The following CEP95 variants were observed in gnomAD, a reference collection of about 807,000 sequenced individuals.
The protein encoded by CEP95 is centrosomal protein 95.
Under a neutral mutation model 111.2 loss-of-function variants are expected in CEP95, and 98 were observed. The observed-to-expected ratio is 0.88, with a 90% CI of 0.75 to 1.04. The LOEUF (loss-of-function observed/expected upper bound fraction) is 1.04, where lower values mean the gene tolerates loss of function less well. Ranked by LOEUF, CEP95 falls within the 50% of genes least tolerant of loss-of-function variation. The probability of loss-of-function intolerance (pLI) is 0.00; values close to 1 mark genes in which losing one functional copy is unlikely to be tolerated. For missense variants in CEP95, 1,027 were observed against 977.2 expected, an observed-to-expected ratio of 1.05 and a Z score of -0.68; for synonymous variants, 323 against 327.1, an observed-to-expected ratio of 0.99 and a Z score of 0.14.
rs1555675893 is a variant in CEP95 at position 64,514,338 on chromosome 17, G to T, written c.347G>T (p.Ser116Ile). The T allele has an allele frequency of 2.7e-6, 4 of 1,498,714 alleles. No individual in the cohort carries two copies. The highest frequency in any genetic ancestry group is 2.0e-5 in the Admixed American group (1 of 50,666). The allele number at this position is 1,498,714 out of a possible 1,614,324, so 92.8% of individuals were successfully genotyped here. A position where few individuals can be genotyped will look rare whatever the true frequency, so the allele number is the denominator to read the frequency against. The change falls in exon 4 of 20, where the codon AGT becomes ATT. Residue 116 changes from serine (S) to isoleucine (I), a missense_variant. By Grantham distance (142) the Ser-to-Ile change is moderately radical. Transcript: ENST00000556440. ...GLLEYLTERI[S>I]ETSHEKSETE... ...TTGGAGTATCTTACAGAACGCATCA[G>T]TGAAACATCTCATGAGAAAAGTAAG... is the stretch of plus-strand genomic sequence containing the variant.
At chr17:64,518,368 G>A (rs1228074357) in intron 5 of CEP95, among the ~76,000 whole-genome samples, 1 of 152,036 alleles carries the variant, frequency 6.6e-6, no homozygotes, top group Admixed American at 6.6e-5. Flanking sequence ...CAGTGTAAAT[G>A]TTTTAAGGCT....
At chr17:64,531,239 C>T (rs529043388) in intron 13 of CEP95, 28 of 368,024 alleles carry the variant, frequency 7.6e-5, no homozygotes, top group African/African-American at 1.7e-4. Flanking sequence ...AGTGTTTTTC[C>T]GCTACTTAAA....
intron 3 of CEP95, among the ~76,000 whole-genome samples, chr17:64,513,340 C>CA (rs1258683149): frequency 6.6e-6 from 1 of 152,124 alleles, no homozygotes; most frequent in Non-Finnish European, 1.5e-5. Context: ...AAAGGACAAT[C>CA]AGAGTGTCAC....
At chr17:64,511,974 T>C (rs961788633) in intron 3 of CEP95, among the ~76,000 whole-genome samples, 2 of 152,240 alleles carry the variant, frequency 1.3e-5, no homozygotes, top group Non-Finnish European at 2.9e-5. Flanking sequence ...ATGCTACTTG[T>C]TTGTGATAGC....
chr17:64,518,766 T>C (rs1413659879), intron 5 of CEP95, among the ~76,000 whole-genome samples: 1 of 152,034 alleles, frequency 6.6e-6, no homozygotes, highest in Non-Finnish European at 1.5e-5. Flanking sequence ...CTGCAACCTC[T>C]GCCTCCCAGG....
intron 8 of CEP95, among the ~76,000 whole-genome samples, chr17:64,523,547 A>T (rs1274866554): frequency 6.6e-6 from 1 of 151,654 alleles, no homozygotes; most frequent in Admixed American, 6.6e-5. Flanking sequence ...AGCCTGGGTG[A>T]CAGAGTAAGA....
rs1555681934 is a variant in CEP95, at chr17:64,537,690, G to A, written c.2377G>A (p.Asp793Asn). 6.2e-7 allele frequency: 1 copy of A among 1,613,488 alleles called. No homozygotes were observed. Residue 793 changes from aspartate (D) to asparagine (N), a missense_variant, in exon 20 of 20, where the codon GAT (aspartate) becomes AAT (asparagine). By Grantham distance (23) the Asp-to-Asn change is conservative (BLOSUM62 1). Coordinates refer to ENST00000556440, the MANE Select transcript of CEP95 (RefSeq NM_138363.3). ...LQDMITQNDD[D>N]VFFRELEAER... is the part of the protein sequence containing the mutation. ...GGACATGATAACACAGAATGATGAT[G>A]ATGTTTTCTTCCGGGAACTGGAAGC...
In CEP95 at chr17:64,534,710, G is replaced by T; in HGVS notation, c.2043G>T (p.Met681Ile). Residue 681 changes from methionine to isoleucine, a missense_variant, in exon 17 of 20, where the codon ATG (methionine) becomes ATT (isoleucine). By Grantham distance (10) the Met-to-Ile change is conservative. Coordinates refer to ENST00000556440, the MANE Select transcript of CEP95 (RefSeq NM_138363.3). ...ATAGAGTTCAGTTGTGTGCAAAAAT[G>T]ATGAGAATGAGGACCCGGGAAGAAA... is the stretch of plus-strand genomic sequence containing the variant. ...DDYRVQLCAK[M>I]MRMRTREEMI... is the part of the protein sequence containing the mutation. 1 of 1,612,764 alleles carries T rather than the reference G, an allele frequency of 6.2e-7. No individual in the cohort carries two copies. The highest frequency in any genetic ancestry group is 1.1e-5 in the South Asian group (1 of 90,816).
In CEP95 at chr17:64,526,185, T is replaced by C; in HGVS notation, c.1137T>C (p.Leu379=). 6.2e-7 allele frequency: 1 copy of C among 1,612,726 alleles called. No homozygotes were observed. The highest frequency in any genetic ancestry group is 8.5e-7 in the Non-Finnish European group (1 of 1,179,514). Reference sequence around the variant, plus strand: ...TATCAGAAAAACTCTCTCAGCGGCTTTCTGAACTAGATTGGGCAAGTCTTG... The same window carrying C: ...TATCAGAAAAACTCTCTCAGCGGCTCTCTGAACTAGATTGGGCAAGTCTTG... The part of the protein sequence containing the change: ...HDVSEKLSQR[L]SELDWMLKSA... Residue 379 remains leucine, a synonymous_variant, in exon 10 of 20, where the codon CTT becomes CTC. Coordinates refer to ENST00000556440, the MANE Select transcript of CEP95 (RefSeq NM_138363.3).
chr17:64,518,299 G>A (rs531870373), intron 5 of CEP95, among the ~76,000 whole-genome samples: 11 of 152,128 alleles, frequency 7.2e-5, no homozygotes, highest in Non-Finnish European at 1.5e-4. Context: ...TATCAAAAAC[G>A]TGATACTTAA....
chr17:64,532,733 T>C (rs1463711022), intron 14 of CEP95, 106 bp from the exon 15 acceptor site: 2 of 1,469,678 alleles, frequency 1.4e-6, no homozygotes, highest in Non-Finnish European at 1.8e-6. Flanking sequence ...ATTGTTCTTT[T>C]CAGGATCAAA....
At chr17:64,534,552 A>G (rs1555681059) in intron 16 of CEP95, 33 bp from the exon 17 acceptor site, 1 of 1,593,022 alleles carries the variant, frequency 6.3e-7, no homozygotes, top group Non-Finnish European at 8.6e-7. Flanking sequence ...TCTTGTCCTT[A>G]CCCTTCTCTT....
At position 64,531,912 on chromosome 17, in the gene CEP95, C is replaced by T; in HGVS notation, c.1562C>T (p.Ala521Val). The change falls in exon 14 of 20, where the codon GCT (alanine) becomes GTT (valine). Residue 521 changes from alanine to valine, a missense_variant. Coordinates refer to ENST00000556440, the MANE Select transcript of CEP95 (RefSeq NM_138363.3). ...AAGGAAAAAATATACAGAGGAGAAGCTGTTCGTAAAGGAACTCCAGAATGT... is the reference window on the plus strand; with the variant it reads ...AAGGAAAAAATATACAGAGGAGAAGTTGTTCGTAAAGGAACTCCAGAATGT... Reference protein sequence around the residue: ...EETEKIYRGEAVRKGTPECSQ... With the variant: ...EETEKIYRGEVVRKGTPECSQ... 1.9e-6 allele frequency: 3 copies of T among 1,595,952 alleles called. No homozygotes were observed. The highest frequency in any genetic ancestry group is 2.3e-5 in the South Asian group (2 of 87,642).
chr17:64,527,981 A>G (rs1489794225), intron 11 of CEP95, among the ~76,000 whole-genome samples: 3 of 151,748 alleles, frequency 2.0e-5, no homozygotes, highest in Non-Finnish European at 4.4e-5. Context: ...AAATTCTGCA[A>G]TGAACAGCCT....
intron 11 of CEP95, among the ~76,000 whole-genome samples, chr17:64,528,419 C>T (rs578129429): frequency 6.6e-6 from 1 of 152,150 alleles, no homozygotes; most frequent in East Asian, 1.9e-4. Context: ...CTTCCTTTCC[C>T]TTTTTATGTA....
Position 64,514,293 on chromosome 17 carries a change from TG to T in CEP95, c.304del (p.Glu102LysfsTer92). The T allele has an allele frequency of 6.6e-7, 1 of 1,505,178 alleles. No homozygotes were observed. Among genetic ancestry groups the T allele is most frequent in the Non-Finnish European group, 9.0e-7 (1 of 1,105,424 alleles). 93.2% of individuals were successfully genotyped at this position (1,505,178 alleles called of 1,614,324 possible). On this transcript the variant is annotated frameshift_variant, in exon 4 of 20. Coordinates refer to ENST00000556440, the MANE Select transcript of CEP95 (RefSeq NM_138363.3). LOFTEE classifies it high-confidence loss of function. ...GATAAAGAATCTATTAAGAATCTCC[TG>T]GAAATATTTGATGGTTTGTTGGAGT... Reference protein sequence around the residue: ...KGDKESIKNLLEIFDGLLEYL... With the variant: ...KGDKESIKNLXEIFDGLLEYL...
rs116551750 is a variant in CEP95 at position 64,508,916 on chromosome 17, C to T, written c.148+196C>T. On this transcript the variant is annotated intron_variant, in intron 2 of 19. Transcript: ENST00000556440. ...GTATATTAAATTGTATTTAATATCA[C>T]ATATTGTATAATTATAATATTGTAT... Among the ~76,000 whole-genome samples, 529 of 151,326 alleles carry T rather than the reference C, an allele frequency of 3.5e-3. 2 individuals are homozygous for T. Among genetic ancestry groups the T allele is most frequent in the African/African-American group, 0.012 (499 of 41,318 alleles).
intron 4 of CEP95, among the ~76,000 whole-genome samples, chr17:64,516,510 G>A (rs188975678): frequency 2.0e-5 from 3 of 152,258 alleles, no homozygotes. Flanking sequence ...TGTAGACCCT[G>A]TTTTTAAAGC....
At chr17:64,512,509 T>C (rs2038949828) in intron 3 of CEP95, among the ~76,000 whole-genome samples, 2 of 152,240 alleles carry the variant, frequency 1.3e-5, no homozygotes, top group Admixed American at 1.3e-4. Flanking sequence ...TGTTTAGAAA[T>C]GAATGATTAT....
Sources: allele counts gnomAD v4.1 joint callset (sites outside exome capture counted in the v4.1 genomes callset), GRCh38; gene constraint gnomAD v4.1.1; transcripts MANE v1.5; gene names NCBI Gene and HGNC (gene_info 2026-07-23, HGNC 2026-07-21).